TMPRSS15: variants seen among roughly 807,000 people sequenced by gnomAD.
TMPRSS15 encodes transmembrane serine protease 15, also known as enteropeptidase.
Under a neutral mutation model 125.3 loss-of-function variants are expected in TMPRSS15, and 128 were observed. The observed-to-expected ratio is 1.02, with a 90% CI of 0.89 to 1.18. The LOEUF is 1.18. Ranked by LOEUF, TMPRSS15 falls within the 50% of genes most tolerant of loss-of-function variation. TMPRSS15 has a pLI of 0.00. For missense variants in TMPRSS15, 1,283 were observed against 1,212.7 expected (o/e 1.06, Z -0.86); for synonymous variants, 446 against 423.2 (o/e 1.05, Z -0.66).
chr21:18,284,310 C>A (rs930329542), intron 21 of TMPRSS15, among the ~76,000 whole-genome samples: 5 of 152,272 alleles, frequency 3.3e-5, no homozygotes, highest in Non-Finnish European at 7.3e-5. Flanking sequence ...TGGAAAATGA[C>A]TGGAGAATAC....
At chr21:18,343,775 G>C in intron 11 of TMPRSS15, 119 bp from the exon 12 acceptor site, 3 of 1,296,548 alleles carry the variant, frequency 2.3e-6, no homozygotes, top group Non-Finnish European at 3.3e-6. Context: ...CTGGGTTTTG[G>C]AGTTGCTGGG....
intron 1 of TMPRSS15, among the ~76,000 whole-genome samples, chr21:18,469,839 T>C (rs1296437401): frequency 2.0e-5 from 3 of 152,190 alleles, no homozygotes; most frequent in Admixed American, 1.3e-4. Context: ...GTCTTGTGTC[T>C]TTATTAAATA....
intron 22 of TMPRSS15, among the ~76,000 whole-genome samples, chr21:18,280,762 T>TC (rs1001756771): frequency 2.9e-4 from 44 of 152,234 alleles, no homozygotes; most frequent in Admixed American, 1.4e-3. Flanking sequence ...CATAATAACA[T>TC]CATCTATTTA....
chr21:18,275,057 A>G, intron 24 of TMPRSS15, 140 bp downstream of exon 24: 1 of 1,174,868 alleles, frequency 8.5e-7, no homozygotes, highest in Non-Finnish European at 1.2e-6. Context: ...AGGATTACGC[A>G]AATAGGCAAA....
chr21:18,479,353 T>C (rs1306426238), intron 1 of TMPRSS15, among the ~76,000 whole-genome samples: 1 of 151,912 alleles, frequency 6.6e-6, no homozygotes. Context: ...TAGGAAATGA[T>C]AGTATTAATA....
intron 1 of TMPRSS15, among the ~76,000 whole-genome samples, chr21:18,448,778 G>A (rs1056463545): frequency 6.6e-6 from 1 of 151,974 alleles, no homozygotes; most frequent in Non-Finnish European, 1.5e-5. Flanking sequence ...TTTTAATTTA[G>A]AAACATCAAG....
At chr21:18,450,818 T>C (rs984328568) in intron 1 of TMPRSS15, among the ~76,000 whole-genome samples, 2 of 152,172 alleles carry the variant, frequency 1.3e-5, no homozygotes, top group East Asian at 1.9e-4. Context: ...AGTTATTACA[T>C]CTGTCAGGTG....
chr21:18,317,628 A>AT (rs2075181279), intron 16 of TMPRSS15, among the ~76,000 whole-genome samples: 1 of 152,138 alleles, frequency 6.6e-6, no homozygotes. Flanking sequence ...GGGCTTTCAG[A>AT]TTTTTTAAAA....
intron 21 of TMPRSS15, among the ~76,000 whole-genome samples, chr21:18,282,481 C>G (rs1023126): frequency 1.3e-5 from 2 of 152,090 alleles, no homozygotes. Flanking sequence ...CAAGTCACTT[C>G]CAGATGTATA....
chr21:18,383,892 C>T (rs1160173508), intron 3 of TMPRSS15, 114 bp from the exon 4 acceptor site: 11 of 1,252,154 alleles, frequency 8.8e-6, no homozygotes, highest in South Asian at 1.3e-5. Context: ...TGCTAATTCT[C>T]ATTATACCTG....
intron 18 of TMPRSS15, among the ~76,000 whole-genome samples, chr21:18,300,532 A>C (rs867478553): frequency 7.9e-5 from 12 of 151,220 alleles, no homozygotes; most frequent in South Asian, 2.1e-4. Context: ...TTTAGTAGAG[A>C]GGGTGTTTCA....
chr21:18,476,535 A>G (rs1978883809), intron 1 of TMPRSS15, among the ~76,000 whole-genome samples: 1 of 152,164 alleles, frequency 6.6e-6, no homozygotes, highest in Non-Finnish European at 1.5e-5. Context: ...GAAACAAACT[A>G]TTTTATGCTA....
chr21:18,398,422 C>A, intron 1 of TMPRSS15, 93 bp from the exon 2 acceptor site: 4 of 1,326,186 alleles, frequency 3.0e-6, no homozygotes, highest in East Asian at 2.3e-5. Context: ...GTAAAGCTCT[C>A]GCCTGATGTG....
chr21:18,352,995 A>G lies in TMPRSS15; in HGVS notation c.1079T>C (p.Leu360Pro). The change falls in exon 10 of 25, where the codon CTA (leucine) becomes CCA (proline). Residue 360 changes from leucine to proline, a missense_variant. Coordinates refer to ENST00000284885, the MANE Select transcript of TMPRSS15 (RefSeq NM_002772.3). ...EDGFCFWVQD[L>P]NDDNEWERIQ... is the part of the protein sequence containing the mutation. ...CCTTTCCCATTCATTATCATCATTT[A>G]GATCCTGGACCCAGAAACAAAAGCC... 11 of 1,611,942 alleles carry G rather than the reference A, an allele frequency of 6.8e-6. No individual in the cohort carries two copies. Among genetic ancestry groups the G allele is most frequent in the Non-Finnish European group, 8.5e-6 (10 of 1,178,882 alleles).
chr21:18,286,259 C>A (rs563200349), intron 21 of TMPRSS15, among the ~76,000 whole-genome samples: 1 of 151,976 alleles, frequency 6.6e-6, no homozygotes, highest in Admixed American at 6.6e-5. Flanking sequence ...GGTCTGCCTT[C>A]GGCCTTCTCT....
intron 1 of TMPRSS15, among the ~76,000 whole-genome samples, chr21:18,446,995 A>C (rs1276705216): frequency 1.1e-4 from 17 of 152,244 alleles, no homozygotes; most frequent in Admixed American, 1.1e-3. Context: ...GTGAAGACAC[A>C]ACTTACAGAA....
At chr21:18,388,799 T>C (rs1280104476) in intron 3 of TMPRSS15, among the ~76,000 whole-genome samples, 1 of 152,180 alleles carries the variant, frequency 6.6e-6, no homozygotes, top group Non-Finnish European at 1.5e-5. Flanking sequence ...AATGTTACAC[T>C]CACAAAATAA....
chr21:18,430,559 T>A (rs1054058870), intron 1 of TMPRSS15, among the ~76,000 whole-genome samples: 3 of 152,186 alleles, frequency 2.0e-5, no homozygotes, highest in Admixed American at 1.3e-4. Context: ...ATTAGGAAAC[T>A]TCTTTGACGA....
intron 18 of TMPRSS15, among the ~76,000 whole-genome samples, chr21:18,308,157 C>A (rs1369357459): frequency 6.6e-6 from 1 of 152,072 alleles, no homozygotes; most frequent in East Asian, 1.9e-4. Context: ...CACTATTGAA[C>A]TAAAATTAGT....
Sources: gnomAD v4.1 joint callset for allele counts (sites outside exome capture counted in the v4.1 genomes callset) on GRCh38, gnomAD v4.1.1 for gene constraint, MANE v1.5 for transcripts, NCBI Gene and HGNC (gene_info 2026-07-23, HGNC 2026-07-21) for gene names.